PPP2R2C: variants seen among roughly 807,000 people sequenced by gnomAD.
PPP2R2C encodes protein phosphatase 2, regulatory subunit B, gamma.
PPP2R2C carries 10 observed loss-of-function variants against 45.3 expected under a neutral mutation model. The ratio of observed to expected loss-of-function variants is 0.22; its 90% CI spans 0.14 to 0.37. The LOEUF (loss-of-function observed/expected upper bound fraction) is 0.37, where lower values mean the gene tolerates loss of function less well. Ranked by LOEUF, PPP2R2C falls within the 10% of genes least tolerant of loss-of-function variation. The pLI is 1.00. For missense variants in PPP2R2C, 308 were observed against 619.7 expected (o/e 0.50, Z 5.34); for synonymous variants, 257 against 245.4 (o/e 1.05, Z -0.44).
At chr4:6,490,528 CT>C (rs1417900398) in intron 2 of PPP2R2C, among the ~76,000 whole-genome samples, 1 of 152,212 alleles carries the variant, frequency 6.6e-6, no homozygotes, top group Non-Finnish European at 1.5e-5. Flanking sequence ...CCAATCGTGC[CT>C]TGAGGGCTCC....
chr4:6,464,156 T>C (rs1721473338), intron 1 of PPP2R2C, among the ~76,000 whole-genome samples: 1 of 152,212 alleles, frequency 6.6e-6, no homozygotes, highest in Non-Finnish European at 1.5e-5. Context: ...GCATCTCCAA[T>C]GAGATGCACG....
chr4:6,375,767 C>T (rs2109303115), intron 4 of PPP2R2C, 52 bp downstream of exon 4: 2 of 1,409,350 alleles, frequency 1.4e-6, no homozygotes, highest in South Asian at 2.5e-5. Flanking sequence ...GCCCTAAAAT[C>T]CTCAGGTGTA....
intron 2 of PPP2R2C, among the ~76,000 whole-genome samples, chr4:6,479,021 C>T (rs1577213105): frequency 2.0e-5 from 3 of 152,154 alleles, no homozygotes; most frequent in East Asian, 3.9e-4. Flanking sequence ...GTGACCTCAG[C>T]GGAGCGTGCA....
intron 1 of PPP2R2C, among the ~76,000 whole-genome samples, chr4:6,395,467 C>T (rs1221655095): frequency 6.6e-6 from 1 of 152,180 alleles, no homozygotes; most frequent in African/African-American, 2.4e-5. Context: ...GGCTGGTTTC[C>T]ACCTCCCTTT....
chr4:6,389,416 G>C (rs1445590344), intron 1 of PPP2R2C, among the ~76,000 whole-genome samples: 1 of 152,202 alleles, frequency 6.6e-6, no homozygotes, highest in Non-Finnish European at 1.5e-5. Context: ...GCCTTCTGAT[G>C]AGGTTGTTGC....
At chr4:6,484,106 A>G (rs10937736) in intron 2 of PPP2R2C, among the ~76,000 whole-genome samples, 54,932 of 151,822 alleles carry the variant, frequency 0.36, 10,114 homozygotes, top group Non-Finnish European at 0.39. Context: ...CTCCTCTTCT[A>G]GAAGTTTTAT....
chr4:6,394,384 TATA>T (rs1716875732), intron 1 of PPP2R2C, among the ~76,000 whole-genome samples: 2 of 152,372 alleles, frequency 1.3e-5, no homozygotes, highest in South Asian at 4.1e-4. Flanking sequence ...AAATTGTTGC[TATA>T]ATTATTGCTA....
chr4:6,350,987 C>T, intron 5 of PPP2R2C: 1 of 985,350 alleles, frequency 1.0e-6, no homozygotes, highest in Non-Finnish European at 1.2e-6. Flanking sequence ...CCTTTCCCAC[C>T]TGGGGATGTT....
At chr4:6,547,467 G>A (rs1725023612) in intron 1 of PPP2R2C, among the ~76,000 whole-genome samples, 1 of 152,072 alleles carries the variant, frequency 6.6e-6, no homozygotes, top group Non-Finnish European at 1.5e-5. Context: ...GGGAACACTG[G>A]ACACTGGGTG....
chr4:6,443,849 G>A (rs1720282401), intron 1 of PPP2R2C, among the ~76,000 whole-genome samples: 1 of 151,930 alleles, frequency 6.6e-6, no homozygotes, highest in Non-Finnish European at 1.5e-5. Flanking sequence ...ATCTTTTCTG[G>A]CTGTCTCAGC....
At chr4:6,422,965 C>T (rs746235284) in intron 1 of PPP2R2C, among the ~76,000 whole-genome samples, 1 of 152,156 alleles carries the variant, frequency 6.6e-6, no homozygotes, top group Non-Finnish European at 1.5e-5. Flanking sequence ...GCCATATATT[C>T]TACATGCACC....
rs188410868 is a variant in PPP2R2C, at chr4:6,506,510, G to A, written c.49+28761C>T. Among the ~76,000 whole-genome samples, 314 of 152,270 alleles carry A rather than the reference G, an allele frequency of 2.1e-3. No individual in the cohort carries two copies. The Middle Eastern group carries it at 0.024, about 12-fold the overall frequency. On this transcript the variant is annotated intron_variant, in intron 2 of 9. Transcript: ENST00000506140. ...CTAAACCAACTCTGAGGTCACAAGA[G>A]GCCTCTCTGAGAAGTGACTTCAAAG...
At chr4:6,554,843 G>C (rs1264470413) in intron 1 of PPP2R2C, among the ~76,000 whole-genome samples, 1 of 141,592 alleles carries the variant, frequency 7.1e-6, no homozygotes, top group African/African-American at 2.6e-5. Flanking sequence ...CTGGGTGACA[G>C]AGTGAGACTC....
intron 1 of PPP2R2C, among the ~76,000 whole-genome samples, chr4:6,539,204 C>T (rs998875254): frequency 3.3e-5 from 5 of 151,666 alleles, no homozygotes; most frequent in Non-Finnish European, 7.4e-5. Flanking sequence ...GGGAGAGTGC[C>T]GTGTGAGGAT....
intron 1 of PPP2R2C, among the ~76,000 whole-genome samples, chr4:6,428,646 C>CA (rs1264403128): frequency 6.6e-6 from 1 of 152,206 alleles, no homozygotes; most frequent in Non-Finnish European, 1.5e-5. Context: ...GGGGCAAACT[C>CA]AAGAGGGCCT....
intron 2 of PPP2R2C, among the ~76,000 whole-genome samples, chr4:6,491,622 T>C (rs1166794755): frequency 6.6e-6 from 1 of 152,208 alleles, no homozygotes; most frequent in African/African-American, 2.4e-5. Flanking sequence ...CATGTCAAAT[T>C]GCAATCCTCA....
chr4:6,539,310 C>G (rs1312184796), intron 1 of PPP2R2C, among the ~76,000 whole-genome samples: 1 of 152,126 alleles, frequency 6.6e-6, no homozygotes, highest in Non-Finnish European at 1.5e-5. Flanking sequence ...GGGACAGATT[C>G]CCCCCATAAC....
intron 5 of PPP2R2C, among the ~76,000 whole-genome samples, chr4:6,370,254 C>T (rs1467505550): frequency 1.3e-5 from 2 of 152,266 alleles, no homozygotes; most frequent in Non-Finnish European, 2.9e-5. Context: ...TCATCTCCCC[C>T]AGCCTCCGTT....
At chr4:6,425,821 G>A (rs1445078537) in intron 1 of PPP2R2C, among the ~76,000 whole-genome samples, 4 of 151,722 alleles carry the variant, frequency 2.6e-5, no homozygotes, top group Non-Finnish European at 4.4e-5. Flanking sequence ...GGCTGTGTGT[G>A]TGTGTGTGTG....
Sources: allele counts gnomAD v4.1 joint callset (sites outside exome capture counted in the v4.1 genomes callset), GRCh38; gene constraint gnomAD v4.1.1; transcripts MANE v1.5; gene names NCBI Gene and HGNC (gene_info 2026-07-23, HGNC 2026-07-21).